MYO5C: variants seen among roughly 807,000 people sequenced by gnomAD.
MYO5C encodes myosin VC.
In MYO5C, 194 loss-of-function variants were observed where a neutral mutation model predicts 235.7. The ratio of observed to expected loss-of-function variants is 0.82; its 90% confidence interval spans 0.73 to 0.93. The LOEUF is 0.93. MYO5C is among the 40% of genes least tolerant of loss of function. The pLI, the probability that MYO5C is intolerant of heterozygous loss-of-function variation, is 0.00. For missense variants in MYO5C, 2,038 were observed against 2,127.2 expected, an observed-to-expected ratio of 0.96 and a Z score of 0.82; for synonymous variants, 707 against 754.8, an observed-to-expected ratio of 0.94 and a Z score of 1.04.
chr15:52,247,396 C>A (rs748283595), intron 15 of MYO5C, 62 bp downstream of exon 15: 136 of 1,572,498 alleles, frequency 8.6e-5, no homozygotes, highest in Non-Finnish European at 1.1e-4. Context: ...CTCTGAGTGC[C>A]CTGGCTCCCC....
chr15:52,279,486 C>T lies in MYO5C; in HGVS notation c.304+23G>A, dbSNP rs779390737. On this transcript the variant is annotated intron_variant, in intron 3 of 40. Coordinates refer to ENST00000261839, the MANE Select transcript of MYO5C (RefSeq NM_018728.4). ...GCTTACATTCCAGTGCCATTCCTTA[C>T]TTCCTAGAATTGCTCTCCTTACCAC... 2.5e-6 allele frequency: 4 copies of T among 1,594,780 alleles called. No individual in the cohort carries two copies. The Admixed American group carries it at 6.7e-5, about 27-fold the overall frequency.
In MYO5C at chr15:52,205,120, A is replaced by G; in HGVS notation, c.4565T>C (p.Leu1522Pro). 1 of 1,614,208 alleles carries G rather than the reference A, an allele frequency of 6.2e-7. No homozygotes were observed. The highest frequency in any genetic ancestry group is 8.5e-7 in the Non-Finnish European group (1 of 1,180,030). Residue 1522 changes from leucine (L) to proline (P), a missense_variant, in exon 38 of 41, where the codon CTG (leucine) becomes CCG (proline). Coordinates refer to ENST00000261839, the MANE Select transcript of MYO5C (RefSeq NM_018728.4). ...GGGCTTCAGGCCGGAAATGCCCTGC[A>G]GGCTCTCATACTCCAGCATTCCCGG... Reference protein sequence around the residue: ...IVPGMLEYESLQGISGLKPTG... With the variant: ...IVPGMLEYESPQGISGLKPTG...
chr15:52,267,761 T>A (rs2036842152), intron 8 of MYO5C, among the ~76,000 whole-genome samples: 1 of 152,136 alleles, frequency 6.6e-6, no homozygotes, highest in South Asian at 2.1e-4. Flanking sequence ...ATTCATTTGA[T>A]CCCAAAGCCT....
intron 11 of MYO5C, among the ~76,000 whole-genome samples, chr15:52,255,424 TA>T (rs1158728431): frequency 6.6e-6 from 1 of 152,228 alleles, no homozygotes; most frequent in Non-Finnish European, 1.5e-5. Flanking sequence ...ATTCTTCCCA[TA>T]AACATGTAGC....
At chr15:52,247,355 T>C in intron 15 of MYO5C, 103 bp downstream of exon 15, 1 of 1,304,190 alleles carries the variant, frequency 7.7e-7, no homozygotes, top group East Asian at 2.3e-5. Context: ...AGCCCCAGCG[T>C]CTGTCCATGT....
chr15:52,258,236 C>A (rs75879117), intron 10 of MYO5C, among the ~76,000 whole-genome samples: 5 of 152,360 alleles, frequency 3.3e-5, no homozygotes, highest in Non-Finnish European at 7.3e-5. Flanking sequence ...ACACTTCACA[C>A]TGGAACCATG....
intron 32 of MYO5C, among the ~76,000 whole-genome samples, chr15:52,217,469 G>A (rs547603687): frequency 6.6e-6 from 1 of 152,292 alleles, no homozygotes; most frequent in East Asian, 1.9e-4. Flanking sequence ...CCTGACCGCT[G>A]ACTCCATTGA....
intron 38 of MYO5C, among the ~76,000 whole-genome samples, chr15:52,198,806 T>C (rs2035116087): frequency 6.6e-6 from 1 of 152,080 alleles, no homozygotes; most frequent in Admixed American, 6.5e-5. Context: ...GGTCTCGAAC[T>C]CCTGACCTTG....
chr15:52,230,302 G>A (rs2035918261), intron 24 of MYO5C, among the ~76,000 whole-genome samples: 1 of 152,184 alleles, frequency 6.6e-6, no homozygotes, highest in Non-Finnish European at 1.5e-5. Context: ...TACCTGCTGA[G>A]CTGTCATTTC....
chr15:52,232,473 G>A (rs1171020867), intron 24 of MYO5C, 149 bp downstream of exon 24: 2 of 731,040 alleles, frequency 2.7e-6, no homozygotes, highest in African/African-American at 3.6e-5. Context: ...GTGGAACTTA[G>A]CTCTCATAAA....
chr15:52,295,291 C>G (rs1303522167), intron 1 of MYO5C, among the ~76,000 whole-genome samples: 2 of 152,194 alleles, frequency 1.3e-5, no homozygotes, highest in Non-Finnish European at 2.9e-5. Flanking sequence ...TTCTAGGCCC[C>G]GAGGCCGGAG....
intron 1 of MYO5C, among the ~76,000 whole-genome samples, chr15:52,285,667 C>T (rs954481319): frequency 3.9e-5 from 6 of 152,264 alleles, no homozygotes; most frequent in Admixed American, 2.6e-4. Context: ...GACGGAGTTT[C>T]GCTGTGTTGG....
chr15:52,204,869 T>C lies in MYO5C; in HGVS notation c.4816A>G (p.Ile1606Val). The change falls in exon 38 of 41, where the codon ATC becomes GTC. Residue 1606 changes from isoleucine to valine, a missense_variant. Ile to Val is a conservative substitution (Grantham distance 29, BLOSUM62 3). Transcript: ENST00000261839. Reference sequence around the variant, plus strand: ...GCGGAGGTTTCTGGGTTTTACCTGATCTGCATCCCTTTTCTGCAGGAGCAC... The same window carrying C: ...GCGGAGGTTTCTGGGTTTTACCTGACCTGCATCCCTTTTCTGCAGGAGCAC... ...DMCSCRKGMQ[I>V]RCNISYLEEW... 1 of 1,613,888 alleles carries C rather than the reference T, an allele frequency of 6.2e-7. No individual in the cohort carries two copies. The highest frequency in any genetic ancestry group is 8.5e-7 in the Non-Finnish European group (1 of 1,179,928).
chr15:52,204,249 C>T (rs1430369758), intron 38 of MYO5C, among the ~76,000 whole-genome samples: 2 of 151,908 alleles, frequency 1.3e-5, no homozygotes, highest in African/African-American at 4.8e-5. Context: ...GCTCCCCACA[C>T]CAGCCTCCGC....
At chr15:52,251,659 T>G in intron 12 of MYO5C, 144 bp from the exon 13 acceptor site, 1 of 259,852 alleles carries the variant, frequency 3.8e-6, no homozygotes, top group South Asian at 1.6e-4. Flanking sequence ...ATTTATTTAT[T>G]TATTTATTTA....
chr15:52,232,999 G>GGAAGAAAATGATCCATTTGTGA (rs1303150543), intron 23 of MYO5C, among the ~76,000 whole-genome samples: 4 of 22,318 alleles, frequency 1.8e-4, no homozygotes, highest in African/African-American at 3.3e-4. Context: ...ATAAATAGAG[G>GGAAGAAAATGATCCATTTGTGA]CCGGGCGCGG....
chr15:52,230,135 A>G (rs2035915812), intron 24 of MYO5C, among the ~76,000 whole-genome samples: 1 of 152,252 alleles, frequency 6.6e-6, no homozygotes, highest in Admixed American at 6.5e-5. Context: ...CCAAAAGTGC[A>G]TGTAAATCCA....
At chr15:52,287,394 T>C (rs1371171642) in intron 1 of MYO5C, among the ~76,000 whole-genome samples, 1 of 152,214 alleles carries the variant, frequency 6.6e-6, no homozygotes, top group African/African-American at 2.4e-5. Context: ...TGAAAATATT[T>C]ATTACTAACG....
At chr15:52,196,963 C>T (rs13380364) in intron 38 of MYO5C, among the ~76,000 whole-genome samples, 2,224 of 152,218 alleles carry the variant, frequency 0.015, 52 homozygotes, top group African/African-American at 0.052. Flanking sequence ...CCTGCCAATC[C>T]ACTGTGTGAG....
Sources: gnomAD v4.1 joint callset for allele counts (sites outside exome capture counted in the v4.1 genomes callset) on GRCh38, gnomAD v4.1.1 for gene constraint, MANE v1.5 for transcripts, NCBI Gene and HGNC (gene_info 2026-07-23, HGNC 2026-07-21) for gene names.